Variants in ARL15 observed in about 807,000 individuals in gnomAD.
ARL15 encodes the protein ARF like GTPase 15, also known as ADP-ribosylation factor-like protein 15.
A neutral mutation model predicts 25.2 loss-of-function variants in ARL15; 19 were observed. The observed-to-expected ratio is 0.75, with a 90% confidence interval of 0.53 to 1.10. ARL15 has a LOEUF of 1.10. Among genes scored for constraint, ARL15 ranks in the 50% least tolerant of loss-of-function variants. The pLI, the probability that ARL15 is intolerant of heterozygous loss-of-function variation, is 0.00. For synonymous variants in ARL15, 94 were observed against 86.8 expected (o/e 1.08, Z -0.46); for missense variants, 220 against 246.0 (o/e 0.89, Z 0.71).
chr5:53,986,320 C>A (rs1305521573), intron 4 of ARL15, among the ~76,000 whole-genome samples: 2 of 152,076 alleles, frequency 1.3e-5, no homozygotes, highest in African/African-American at 4.8e-5. Flanking sequence ...CAAAAATAAA[C>A]CAAAAAGGCA....
At chr5:54,189,034 C>A (rs999502332) in intron 1 of ARL15, among the ~76,000 whole-genome samples, 10 of 151,934 alleles carry the variant, frequency 6.6e-5, no homozygotes, top group African/African-American at 2.4e-4. Flanking sequence ...TAATTAACAA[C>A]CTGAAAAGGA....
intron 4 of ARL15, among the ~76,000 whole-genome samples, chr5:53,983,297 A>G (rs1748184358): frequency 6.6e-6 from 1 of 152,208 alleles, no homozygotes; most frequent in Non-Finnish European, 1.5e-5. Flanking sequence ...TTTTAAAAAT[A>G]AATTTTCTTT....
At chr5:54,237,983 T>C (rs1756855341) in intron 1 of ARL15, among the ~76,000 whole-genome samples, 1 of 152,050 alleles carries the variant, frequency 6.6e-6, no homozygotes, top group South Asian at 2.1e-4. Context: ...AAAAAACAAA[T>C]CCACAAGAGT....
At chr5:53,965,207 G>A (rs567114513) in intron 4 of ARL15, among the ~76,000 whole-genome samples, 37 of 152,190 alleles carry the variant, frequency 2.4e-4, no homozygotes, top group Admixed American at 8.5e-4. Flanking sequence ...AGAGTCCTTA[G>A]AATATATTTC....
chr5:54,149,082 A>G (rs1036302077), intron 3 of ARL15, among the ~76,000 whole-genome samples: 5 of 152,162 alleles, frequency 3.3e-5, no homozygotes, highest in African/African-American at 1.2e-4. Flanking sequence ...TGCAGTGTGG[A>G]CAACTGCTTT....
intron 4 of ARL15, among the ~76,000 whole-genome samples, chr5:54,112,186 G>T (rs539029064): frequency 6.6e-6 from 1 of 151,984 alleles, no homozygotes; most frequent in Non-Finnish European, 1.5e-5. Context: ...TTCTACTTAG[G>T]TGTTTAAACT....
At chr5:54,249,323 AG>A (rs1467660128) in intron 1 of ARL15, among the ~76,000 whole-genome samples, 1 of 152,222 alleles carries the variant, frequency 6.6e-6, no homozygotes, top group Non-Finnish European at 1.5e-5. Context: ...CATCTCTTTT[AG>A]AAAGTCCATC....
At chr5:54,058,754 G>T (rs1371885601) in intron 4 of ARL15, among the ~76,000 whole-genome samples, 2 of 152,132 alleles carry the variant, frequency 1.3e-5, no homozygotes, top group African/African-American at 4.8e-5. Flanking sequence ...ATCAGATAGA[G>T]CTTTTGCTTT....
At chr5:54,151,694 ATG>A (rs1289680076) in intron 3 of ARL15, among the ~76,000 whole-genome samples, 1 of 151,666 alleles carries the variant, frequency 6.6e-6, no homozygotes, top group East Asian at 2.0e-4. Flanking sequence ...ACACAAACAT[ATG>A]TTTGTGTGTG....
intron 4 of ARL15, among the ~76,000 whole-genome samples, chr5:54,082,107 A>AGGGGGGGGGGAG (rs1554039046): frequency 7.4e-6 from 1 of 135,634 alleles, no homozygotes. Flanking sequence ...AAAGAAGGAA[A>AGGGGGGGGGGAG]GGAGGGAGGG....
chr5:53,924,588 G>A (rs1206451090), intron 4 of ARL15, among the ~76,000 whole-genome samples: 39 of 152,096 alleles, frequency 2.6e-4, no homozygotes, highest in South Asian at 2.1e-4. Context: ...GAACCTAGAC[G>A]CCTAACATTT....
chr5:54,133,485 G>A (rs1753500496), intron 3 of ARL15, among the ~76,000 whole-genome samples: 1 of 152,142 alleles, frequency 6.6e-6, no homozygotes, highest in Non-Finnish European at 1.5e-5. Context: ...TACGTGATTT[G>A]TCCAGTCTTG....
At chr5:54,272,113 T>C (rs1757802251) in intron 1 of ARL15, among the ~76,000 whole-genome samples, 1 of 130,880 alleles carries the variant, frequency 7.6e-6, no homozygotes, top group Non-Finnish European at 1.6e-5. Context: ...CTGGCTTTTT[T>C]TTTTTTTTTT....
At chr5:54,228,336 G>C (rs2112547687) in intron 1 of ARL15, among the ~76,000 whole-genome samples, 1 of 152,278 alleles carries the variant, frequency 6.6e-6, no homozygotes, top group South Asian at 2.1e-4. Context: ...CTAAAGAAGT[G>C]TTGAACCAAA....
chr5:53,904,697 T>C (rs953508985), intron 4 of ARL15, among the ~76,000 whole-genome samples: 1 of 151,934 alleles, frequency 6.6e-6, no homozygotes, highest in Non-Finnish European at 1.5e-5. Flanking sequence ...ATTAGTACCA[T>C]TGGTATGTTT....
chr5:53,921,407 T>C (rs1745858129), intron 4 of ARL15, among the ~76,000 whole-genome samples: 1 of 152,254 alleles, frequency 6.6e-6, no homozygotes, highest in Non-Finnish European at 1.5e-5. Flanking sequence ...CTTGAACTTA[T>C]GTTCCAGTAA....
chr5:54,303,190 G>A (rs918142680), intron 1 of ARL15, among the ~76,000 whole-genome samples: 3 of 151,960 alleles, frequency 2.0e-5, no homozygotes, highest in Non-Finnish European at 2.9e-5. Flanking sequence ...CCCAGGCAGT[G>A]CGTGGCAAAA....
At chr5:54,243,324 C>A (rs1757005251) in intron 1 of ARL15, among the ~76,000 whole-genome samples, 1 of 152,130 alleles carries the variant, frequency 6.6e-6, no homozygotes. Flanking sequence ...TCTAGGAAAA[C>A]TCAAAAGCCT....
intron 4 of ARL15, among the ~76,000 whole-genome samples, chr5:54,068,002 G>A (rs549070961): frequency 6.6e-6 from 1 of 152,324 alleles, no homozygotes; most frequent in African/African-American, 2.4e-5. Flanking sequence ...TCCCACTAAA[G>A]TGTCAGCACT....
Sources: allele counts gnomAD v4.1 joint callset (sites outside exome capture counted in the v4.1 genomes callset), GRCh38; gene constraint gnomAD v4.1.1; transcripts MANE v1.5; gene names NCBI Gene and HGNC (gene_info 2026-07-23, HGNC 2026-07-21).